Variants in KANSL1 observed in about 807,000 individuals in gnomAD.
KANSL1 encodes the protein MLL1/MLL complex subunit KANSL1.
KANSL1 carries 22 observed loss-of-function variants against 103.6 expected under a neutral mutation model. The ratio of observed to expected loss-of-function variants is 0.21; its 90% confidence interval spans 0.15 to 0.30. The LOEUF (loss-of-function observed/expected upper bound fraction) is 0.30, where lower values mean the gene tolerates loss of function less well. Among genes scored for constraint, KANSL1 ranks in the 10% least tolerant of loss-of-function variants. KANSL1 has a pLI of 1.00. For synonymous variants in KANSL1, 600 were observed against 527.6 expected, an observed-to-expected ratio of 1.14 and a Z score of -1.88; for missense variants, 1,337 against 1,399.8, an observed-to-expected ratio of 0.96 and a Z score of 0.72.
intron 4 of KANSL1, among the ~76,000 whole-genome samples, 198 bp from the exon 5 acceptor site, chr17:46,067,865 T>G (rs900013607): frequency 3.9e-5 from 6 of 152,118 alleles, no homozygotes; most frequent in African/African-American, 1.4e-4. Context: ...ATTGCAGCAC[T>G]TTGGGAGGCC....
chr17:46,188,893 CGTG>C (rs1290084726), intron 1 of KANSL1, among the ~76,000 whole-genome samples: 3 of 151,832 alleles, frequency 2.0e-5, no homozygotes, highest in African/African-American at 4.8e-5. Context: ...ATTAGCCAGG[CGTG>C]GTGGTGGGCA....
intron 2 of KANSL1, among the ~76,000 whole-genome samples, chr17:46,154,730 T>C (rs2045320879): frequency 1.3e-5 from 2 of 152,236 alleles, no homozygotes; most frequent in African/African-American, 4.8e-5. Context: ...TTCTTAGAGC[T>C]GGGACAAAGA....
chr17:46,113,016 C>T (rs1347894207), intron 2 of KANSL1, among the ~76,000 whole-genome samples: 1 of 152,090 alleles, frequency 6.6e-6, no homozygotes, highest in African/African-American at 2.4e-5. Context: ...CCACCAGGCC[C>T]GGCCGGGACA....
intron 11 of KANSL1, among the ~76,000 whole-genome samples, chr17:46,033,807 A>T (rs920197661): frequency 6.6e-6 from 1 of 152,238 alleles, no homozygotes; most frequent in African/African-American, 2.4e-5. Context: ...AGGGTTGCCT[A>T]ATCTTCTGTT....
chr17:46,161,277 A>AC lies in KANSL1; in HGVS notation c.1289+9577_1289+9578insG, dbSNP rs58058538. 1.9e-4 allele frequency among the ~76,000 whole-genome samples: 25 copies of AC among 133,586 alleles called. 1 individual carries two copies. The highest frequency in any genetic ancestry group is 3.5e-4 in the Non-Finnish European group (22 of 62,692). 87.6% of individuals were successfully genotyped at this position (133,586 alleles called of 152,430 possible). A position where few individuals can be genotyped will look rare whatever the true frequency, so the allele number is the denominator to read the frequency against. On this transcript the variant is annotated intron_variant, in intron 2 of 14. Coordinates refer to ENST00000432791, the MANE Select transcript of KANSL1 (RefSeq NM_015443.4). ...AAAAAAAAAAAAAAAAAAAAAAAAA[A>AC]TACAAAAAATTAGCCGGGTGTGGTG... is the stretch of plus-strand genomic sequence containing the variant.
intron 6 of KANSL1, among the ~76,000 whole-genome samples, chr17:46,064,589 T>A (rs62060792): frequency 0.14 from 21,778 of 152,186 alleles, 2,126 homozygotes; most frequent in Non-Finnish European, 0.22. Context: ...AGCCTTCATC[T>A]TACTGATCCT....
intron 2 of KANSL1, among the ~76,000 whole-genome samples, chr17:46,133,866 A>G (rs985934124): frequency 6.6e-6 from 1 of 152,254 alleles, no homozygotes; most frequent in Non-Finnish European, 1.5e-5. Context: ...GATATCAATT[A>G]TCAATTATTA....
chr17:46,184,686 T>G (rs1394896047), intron 1 of KANSL1, among the ~76,000 whole-genome samples: 1 of 152,194 alleles, frequency 6.6e-6, no homozygotes. Flanking sequence ...CAAGGTTACA[T>G]GCTCTTTCAA....
At chr17:46,177,102 T>C (rs1183636570) in intron 1 of KANSL1, among the ~76,000 whole-genome samples, 1 of 152,244 alleles carries the variant, frequency 6.6e-6, no homozygotes, top group Non-Finnish European at 1.5e-5. Context: ...TCAGTTCCCA[T>C]CCTGGCTCCA....
intron 4 of KANSL1, among the ~76,000 whole-genome samples, chr17:46,079,766 G>A (rs1435189683): frequency 6.6e-6 from 1 of 152,122 alleles, no homozygotes; most frequent in Non-Finnish European, 1.5e-5. Flanking sequence ...TGCTTGTGCT[G>A]AGGAGTTTGA....
In KANSL1 at chr17:46,082,570, A is replaced by G. The variant is rs199769644; in HGVS notation, c.1432-28T>C. The G allele has an allele frequency of 5.0e-4, 660 of 1,313,790 alleles. No homozygotes were observed. Among genetic ancestry groups the G allele is most frequent in the Middle Eastern group, 1.3e-3 (7 of 5,424 alleles). 81.4% of individuals were successfully genotyped at this position (1,313,790 alleles called of 1,614,324 possible). On this transcript the variant is annotated intron_variant, in intron 3 of 14. Coordinates refer to ENST00000432791, the MANE Select transcript of KANSL1 (RefSeq NM_015443.4). ...GCAGGATAGAGAGGAGAAAAATAGC[A>G]TAAGTGAGCAGTATAAACTTCAAAT... is the stretch of plus-strand genomic sequence containing the variant.
chr17:46,031,716 A>G lies in KANSL1; in HGVS notation c.3091-13T>C. The G allele has an allele frequency of 6.3e-7, 1 of 1,584,960 alleles. No individual in the cohort carries two copies. The highest frequency in any genetic ancestry group is 8.6e-7 in the Non-Finnish European group (1 of 1,159,302). ...AGGGCTGGACAGACTGTAGGCAGACAAGTTGCTCTTTGAGGACCCAGTCCC... is the reference window on the plus strand; with the variant it reads ...AGGGCTGGACAGACTGTAGGCAGACGAGTTGCTCTTTGAGGACCCAGTCCC... On this transcript the variant is annotated splice_polypyrimidine_tract_variant and intron_variant, in intron 14 of 14. Transcript: ENST00000432791.
intron 2 of KANSL1, among the ~76,000 whole-genome samples, chr17:46,166,842 A>G (rs2046025811): frequency 6.6e-6 from 1 of 152,228 alleles, no homozygotes; most frequent in South Asian, 2.1e-4. Flanking sequence ...TTAGACAAAC[A>G]TACAATTATT....
intron 2 of KANSL1, among the ~76,000 whole-genome samples, chr17:46,138,539 G>A (rs1016255615): frequency 6.6e-5 from 10 of 152,204 alleles, no homozygotes; most frequent in Admixed American, 1.3e-4. Flanking sequence ...ACGGAAGTTC[G>A]TGGAACAAGT....
chr17:46,038,832 T>C lies in KANSL1; in HGVS notation c.2393-146A>G, dbSNP rs1252693809. The C allele has an allele frequency of 4.9e-6, 6 of 1,212,444 alleles. No individual in the cohort carries two copies. In the Admixed American group the frequency reaches 8.5e-5, roughly 17 times the overall value. 75.1% of individuals were successfully genotyped at this position (1,212,444 alleles called of 1,614,324 possible). A position where few individuals can be genotyped will look rare whatever the true frequency, so the allele number is the denominator to read the frequency against. On this transcript the variant is annotated intron_variant, in intron 9 of 14. Coordinates refer to ENST00000432791, the MANE Select transcript of KANSL1 (RefSeq NM_015443.4). ...ATAAAAAGGTGAAGCACACTAGCTGTGGGAAGTAGGGGCAGGGCAGAGGTT... is the reference window on the plus strand; with the variant it reads ...ATAAAAAGGTGAAGCACACTAGCTGCGGGAAGTAGGGGCAGGGCAGAGGTT...
intron 1 of KANSL1, among the ~76,000 whole-genome samples, chr17:46,199,923 T>C (rs1205414741): frequency 6.6e-6 from 1 of 152,180 alleles, no homozygotes; most frequent in Non-Finnish European, 1.5e-5. Flanking sequence ...ACACCCAAGA[T>C]TGTTGGTCTT....
chr17:46,094,625 C>T lies in KANSL1; in HGVS notation c.1366G>A (p.Val456Ile). 1 of 1,614,166 alleles carries T rather than the reference C, an allele frequency of 6.2e-7. No individual in the cohort carries two copies. Among genetic ancestry groups the T allele is most frequent in the Non-Finnish European group, 8.5e-7 (1 of 1,180,038 alleles). The change falls in exon 3 of 15, where the codon GTT (valine) becomes ATT (isoleucine). Residue 456 changes from valine to isoleucine, a missense_variant. Around this residue, in one of 2 missense-constraint regions of KANSL1, gnomAD observed 780 missense variants for 923.4 expected, o/e 0.84. Transcript: ENST00000432791. ...VSRWNWLQAH[V>I]SDLEYRIRQQ... ...CGAATTCGATATTCCAAGTCAGAAA[C>T]ATGAGCCTGAAGCCAGTTCCAGCGG...
intron 1 of KANSL1, among the ~76,000 whole-genome samples, chr17:46,176,045 T>C (rs1001986599): frequency 1.3e-5 from 2 of 152,202 alleles, no homozygotes; most frequent in Non-Finnish European, 2.9e-5. Flanking sequence ...CCTCCCCTTT[T>C]GAATGTCAAT....
chr17:46,043,110 T>C (rs1435817475), intron 7 of KANSL1: 1 of 152,142 alleles, frequency 6.6e-6, no homozygotes, highest in Non-Finnish European at 1.5e-5. Context: ...CTGGAATGTA[T>C]AAAAGAGGCT....
Sources: gnomAD v4.1 joint callset for allele counts (sites outside exome capture counted in the v4.1 genomes callset) on GRCh38, gnomAD v4.1.1 for gene constraint, gnomAD v4.1.1 regional missense constraint, MANE v1.5 for transcripts, NCBI Gene and HGNC (gene_info 2026-07-23, HGNC 2026-07-21) for gene names.